The following CD164 variants were observed in gnomAD, a reference collection of about 807,000 sequenced individuals.
CD164 encodes CD164 molecule, also known as sialomucin core protein 24.
CD164 carries 11 observed loss-of-function variants against 24.6 expected under a neutral mutation model. The ratio of observed to expected loss-of-function variants is 0.45; its 90% CI spans 0.28 to 0.74. The LOEUF (loss-of-function observed/expected upper bound fraction) is 0.74. Among genes scored for constraint, CD164 ranks in the 30% least tolerant of loss-of-function variants. The probability of loss-of-function intolerance (pLI) is 0.13; values close to 1 mark genes in which losing one functional copy is unlikely to be tolerated. For synonymous variants in CD164, 126 were observed against 100.3 expected (o/e 1.26, Z -1.53); for missense variants, 295 against 243.7 (o/e 1.21, Z -1.40).
At chr6:109,369,459 A>T (rs1451942245) in intron 5 of CD164, among the ~76,000 whole-genome samples, 3 of 152,226 alleles carry the variant, frequency 2.0e-5, no homozygotes, top group Non-Finnish European at 4.4e-5. Flanking sequence ...AATCTTAATA[A>T]TATGCAATTT....
At chr6:109,377,349 T>C (rs1771468411) in intron 3 of CD164, among the ~76,000 whole-genome samples, 1 of 152,204 alleles carries the variant, frequency 6.6e-6, no homozygotes, top group South Asian at 2.1e-4. Flanking sequence ...ATTAGGAATA[T>C]GCCTTTCCCA....
chr6:109,374,030 C>T (rs1429129955), intron 4 of CD164, among the ~76,000 whole-genome samples: 1 of 152,170 alleles, frequency 6.6e-6, no homozygotes, highest in African/African-American at 2.4e-5. Flanking sequence ...AAAAACTACG[C>T]CCACAACCAC....
intron 3 of CD164, among the ~76,000 whole-genome samples, chr6:109,376,336 G>A (rs1369612434): frequency 2.0e-5 from 3 of 152,108 alleles, no homozygotes; most frequent in Non-Finnish European, 4.4e-5. Flanking sequence ...CTCCTGAAAA[G>A]ACATTTCCTA....
Position 109,382,058 on chromosome 6 carries a change from G to C in CD164, c.175+146C>G, listed in dbSNP as rs1053537200. The stretch of plus-strand genomic sequence containing the variant: ...GCCACGAGTGGACTCCAGGCTGGCC[G>C]CCATGTTGCCGGAGTCGCCGCCGCA... On this transcript the variant is annotated intron_variant, in intron 1 of 5. Coordinates refer to ENST00000310786, the MANE Select transcript of CD164 (RefSeq NM_006016.6). 9 of 616,980 alleles carry C rather than the reference G, an allele frequency of 1.5e-5. No homozygotes were observed. In the East Asian group the frequency reaches 3.4e-4, roughly 23 times the overall value. The allele number at this position is 616,980 out of a possible 1,614,324, so 38.2% of individuals were successfully genotyped here. A position where few individuals can be genotyped will look rare whatever the true frequency, so the allele number is the denominator to read the frequency against.
chr6:109,378,709 A>G (rs1347074288), intron 2 of CD164, among the ~76,000 whole-genome samples: 1 of 152,224 alleles, frequency 6.6e-6, no homozygotes, highest in Admixed American at 6.5e-5. Flanking sequence ...AAGGGGAAAG[A>G]GTACGCCCTT....
In CD164 at chr6:109,368,296, G is replaced by A. The variant is rs976895246; in HGVS notation, c.*555C>T. Reference sequence around the variant, plus strand: ...GTATCCTTTCATTTCTTTAAATCTGGAATGTAGTTCCTTGTGTGGCATCTT... The same window carrying A: ...GTATCCTTTCATTTCTTTAAATCTGAAATGTAGTTCCTTGTGTGGCATCTT... On this transcript the variant is annotated 3_prime_UTR_variant, in exon 6 of 6. Coordinates refer to ENST00000310786, the MANE Select transcript of CD164 (RefSeq NM_006016.6). 4 of 1,542,212 alleles carry A rather than the reference G, an allele frequency of 2.6e-6. No individual in the cohort carries two copies. The African/African-American group carries it at 5.5e-5, about 21-fold the overall frequency.
rs757764538 is a variant in CD164, at chr6:109,377,979, G to A, written c.260-8C>T. On this transcript the variant is annotated splice_polypyrimidine_tract_variant and splice_region_variant and intron_variant, in intron 2 of 5. Transcript: ENST00000310786. ...GTGAACAATAGCTCTCATCTGTTGGGGGGCAGGGGAAAAGAGACAAACAGC... is the reference window on the plus strand; with the variant it reads ...GTGAACAATAGCTCTCATCTGTTGGAGGGCAGGGGAAAAGAGACAAACAGC... The A allele has an allele frequency of 1.2e-4, 191 of 1,611,216 alleles. No individual in the cohort carries two copies. The highest frequency in any genetic ancestry group is 1.6e-4 in the Non-Finnish European group (184 of 1,178,314).
chr6:109,376,382 T>C lies in CD164; in HGVS notation c.332-270A>G, dbSNP rs533089010. Among the ~76,000 whole-genome samples the C allele has an allele frequency of 1.6e-4, 24 of 152,334 alleles. No homozygotes were observed. The East Asian group carries it at 2.7e-3, about 17-fold the overall frequency. ...CTTCCAGGCCATCACGCATAACCTC[T>C]AGGAAGCATCCTTAAAGTAAGATAC... On this transcript the variant is annotated intron_variant, in intron 3 of 5. Coordinates refer to ENST00000310786, the MANE Select transcript of CD164 (RefSeq NM_006016.6).
At chr6:109,373,052 AAAT>A (rs1402176093) in intron 4 of CD164, among the ~76,000 whole-genome samples, 32 of 152,338 alleles carry the variant, frequency 2.1e-4, no homozygotes, top group East Asian at 1.5e-3. Context: ...GGTTAAAAAA[AAAT>A]AATAATAATC....
At chr6:109,375,895 C>T in intron 4 of CD164, 179 bp downstream of exon 4, 2 of 557,922 alleles carry the variant, frequency 3.6e-6, no homozygotes, top group Admixed American at 3.9e-5. Context: ...AACACTGGAG[C>T]TATGTGTCAC....
chr6:109,382,151 G>C lies in CD164; in HGVS notation c.175+53C>G. 4.3e-6 allele frequency: 6 copies of C among 1,403,572 alleles called. No individual in the cohort carries two copies. In the South Asian group the frequency reaches 9.0e-5, roughly 21 times the overall value. 86.9% of individuals were successfully genotyped at this position (1,403,572 alleles called of 1,614,324 possible). ...GCCCCGCCCGCACGGCGAGGAGGCA[G>C]TGCGGCTCGGCTGGGCAGGGGAGGG... On this transcript the variant is annotated intron_variant, in intron 1 of 5. Transcript: ENST00000310786.
chr6:109,376,143 T>A (rs753360076), intron 3 of CD164, 31 bp from the exon 4 acceptor site: 2 of 1,509,642 alleles, frequency 1.3e-6, no homozygotes, highest in Non-Finnish European at 1.8e-6. Context: ...AAAAACCATA[T>A]ACATCAAAGC....
intron 3 of CD164, 87 bp downstream of exon 3, chr6:109,377,813 A>G: frequency 1.1e-6 from 1 of 904,342 alleles, no homozygotes; most frequent in Non-Finnish European, 1.9e-6. Context: ...AATGCTTCAA[A>G]CAAAGCACTG....
chr6:109,377,515 T>C (rs565164709), intron 3 of CD164, among the ~76,000 whole-genome samples: 2 of 151,974 alleles, frequency 1.3e-5, no homozygotes, highest in Non-Finnish European at 2.9e-5. Context: ...CAGCACCAAC[T>C]ATGCTGCAGA....
In CD164 at chr6:109,373,955, C is replaced by T. The variant is rs78941310; in HGVS notation, c.370+2119G>A. Among the ~76,000 whole-genome samples, 904 of 152,306 alleles carry T rather than the reference C, an allele frequency of 5.9e-3. 8 individuals are homozygous for T. Among genetic ancestry groups the T allele is most frequent in the Non-Finnish European group, 6.5e-3 (441 of 68,030 alleles). ...AAAGCTGGTCCAAGCCAGCTCCACA[C>T]ACCACTGCGTAAGTGTTTCAAGATG... On this transcript the variant is annotated intron_variant, in intron 4 of 5. Transcript: ENST00000310786.
Position 109,368,442 on chromosome 6 carries a change from A to C in CD164, c.*409T>G. 8 of 1,397,688 alleles carry C rather than the reference A, an allele frequency of 5.7e-6. No homozygotes were observed. The highest frequency in any genetic ancestry group is 6.5e-6 in the Non-Finnish European group (7 of 1,079,434). The allele number at this position is 1,397,688 out of a possible 1,614,324, so 86.6% of individuals were successfully genotyped here. ...TGAAATGACAGCCAAAAATCCACCT[A>C]ATTGATTCTCATTTGGCACGTTCTT... On this transcript the variant is annotated 3_prime_UTR_variant, in exon 6 of 6. Transcript: ENST00000310786.
At chr6:109,369,351 G>C (rs577085903) in intron 5 of CD164, among the ~76,000 whole-genome samples, 6 of 152,292 alleles carry the variant, frequency 3.9e-5, no homozygotes, top group African/African-American at 1.4e-4. Flanking sequence ...TTAGTTAATT[G>C]TGAGTGTAAA....
chr6:109,377,644 T>TAA (rs35168490), intron 3 of CD164, among the ~76,000 whole-genome samples: 43 of 141,464 alleles, frequency 3.0e-4, no homozygotes, highest in African/African-American at 5.0e-4. Context: ...TAGAAAAGTT[T>TAA]AAAAAAAAAA....
rs137918186 is a variant in CD164 at position 109,378,105 on chromosome 6, T to C, written c.260-134A>G. 72 of 656,062 alleles carry C rather than the reference T, an allele frequency of 1.1e-4. 1 individual carries two copies. In the East Asian group the frequency reaches 1.4e-3, roughly 12 times the overall value. The allele number at this position is 656,062 out of a possible 1,614,324, so 40.6% of individuals were successfully genotyped here. A position where few individuals can be genotyped will look rare whatever the true frequency, so the allele number is the denominator to read the frequency against. On this transcript the variant is annotated intron_variant, in intron 2 of 5. Transcript: ENST00000310786. ...GGCAGGGGGAACCACTTTAGGTGTT[T>C]TGACCTAAAGTTAAACCCACAGACC... is the stretch of plus-strand genomic sequence containing the variant.
Sources: gnomAD v4.1 joint callset for allele counts (sites outside exome capture counted in the v4.1 genomes callset) on GRCh38, gnomAD v4.1.1 for gene constraint, MANE v1.5 for transcripts, NCBI Gene and HGNC (gene_info 2026-07-23, HGNC 2026-07-21) for gene names.